FAIM: variants seen among roughly 807,000 people sequenced by gnomAD.
FAIM encodes the protein fas apoptotic inhibitory molecule 1.
FAIM carries 14 observed loss-of-function variants against 21.2 expected under a neutral mutation model. The observed-to-expected ratio is 0.66, with a 90% CI of 0.44 to 1.03. The LOEUF is 1.03. Among genes scored for constraint, FAIM ranks in the 50% least tolerant of loss-of-function variants. The probability of loss-of-function intolerance (pLI) is 0.00; values close to 1 mark genes in which losing one functional copy is unlikely to be tolerated. For missense variants in FAIM, 222 were observed against 247.1 expected, an observed-to-expected ratio of 0.90 and a Z score of 0.68; for synonymous variants, 86 against 80.4, an observed-to-expected ratio of 1.07 and a Z score of -0.37.
At chr3:138,609,719 T>C (rs2042747324) in intron 1 of FAIM, among the ~76,000 whole-genome samples, 1 of 151,740 alleles carries the variant, frequency 6.6e-6, no homozygotes, top group South Asian at 2.1e-4. Context: ...TGTGATTTAC[T>C]AAATGTAGTT....
Position 138,633,040 on chromosome 3 carries a change from C to T in FAIM, c.567C>T (p.Leu189=), listed in dbSNP as rs1560502529. The change falls in exon 6 of 6, where the codon CTC becomes CTT. Residue 189 remains leucine (L), a synonymous_variant. Coordinates refer to ENST00000360570, the MANE Select transcript of FAIM (RefSeq NM_001033031.2). ...GGAAAGAAGGGATTATTCATACTCT[C>T]ATTGTGGATAATAGAGAAATCCCAG... ...GKRKEGIIHT[L]IVDNREIPEI... 2 of 1,613,576 alleles carry T rather than the reference C, an allele frequency of 1.2e-6. No homozygotes were observed. The highest frequency in any genetic ancestry group is 1.7e-5 in the Admixed American group (1 of 59,960).
chr3:138,633,148 T>C lies in FAIM; in HGVS notation c.*69T>C. The C allele has an allele frequency of 1.5e-6, 2 of 1,364,772 alleles. No individual in the cohort carries two copies. The highest frequency in any genetic ancestry group is 2.0e-6 in the Non-Finnish European group (2 of 1,000,386). The allele number at this position is 1,364,772 out of a possible 1,614,324, so 84.5% of individuals were successfully genotyped here. A position where few individuals can be genotyped will look rare whatever the true frequency, so the allele number is the denominator to read the frequency against. On this transcript the variant is annotated 3_prime_UTR_variant, in exon 6 of 6. Coordinates refer to ENST00000360570, the MANE Select transcript of FAIM (RefSeq NM_001033031.2). ...CTGTGGTAATTAAATGTGTTCAGTATGTACTTATCAGTACATTTAGTCTGC... is the reference window on the plus strand; with the variant it reads ...CTGTGGTAATTAAATGTGTTCAGTACGTACTTATCAGTACATTTAGTCTGC...
chr3:138,631,464 A>T (rs917255476), intron 5 of FAIM, among the ~76,000 whole-genome samples: 2 of 151,954 alleles, frequency 1.3e-5, no homozygotes, highest in Non-Finnish European at 2.9e-5. Flanking sequence ...TGAAAATAAT[A>T]TTCATCCACA....
At chr3:138,618,893 T>G (rs2042855725) in intron 1 of FAIM, among the ~76,000 whole-genome samples, 1 of 152,196 alleles carries the variant, frequency 6.6e-6, no homozygotes. Flanking sequence ...AATCTTCAAA[T>G]GTGAGGGTTT....
At chr3:138,625,428 ACTC>A (rs1324500713) in intron 4 of FAIM, among the ~76,000 whole-genome samples, 3 of 151,706 alleles carry the variant, frequency 2.0e-5, no homozygotes, top group African/African-American at 7.3e-5. Flanking sequence ...GCGCCACTGC[ACTC>A]CAGCCTGGGT....
chr3:138,631,967 A>G (rs2043010124), intron 5 of FAIM, among the ~76,000 whole-genome samples: 1 of 151,958 alleles, frequency 6.6e-6, no homozygotes, highest in South Asian at 2.1e-4. Flanking sequence ...GCCTTGTTCT[A>G]TCTACTTTGG....
chr3:138,621,138 GA>G, intron 2 of FAIM: 1 of 387,958 alleles, frequency 2.6e-6, no homozygotes, highest in South Asian at 2.9e-5. Context: ...AGGATAAACT[GA>G]TGCATTCTTA....
At chr3:138,629,602 A>G (rs570564968) in intron 5 of FAIM, 2 of 154,746 alleles carry the variant, frequency 1.3e-5, no homozygotes, top group East Asian at 1.9e-4. Context: ...TGCTAATGCT[A>G]CTGGTCCACA....
chr3:138,621,442 T>C lies in FAIM; in HGVS notation c.80T>C (p.Val27Ala). 1 of 1,614,052 alleles carries C rather than the reference T, an allele frequency of 6.2e-7. No individual in the cohort carries two copies. Among genetic ancestry groups the C allele is most frequent in the Non-Finnish European group, 8.5e-7 (1 of 1,179,964 alleles). The change falls in exon 3 of 6, where the codon GTA becomes GCA. Residue 27 changes from valine (V) to alanine (A), a missense_variant. Physicochemically the swap from Val to Ala is moderately conservative, Grantham distance 64. Transcript: ENST00000360570. ...PYSLEKMTDL[V>A]AVWDVALSDG... ...AGCCTAGAAAAAATGACAGATCTCG[T>C]AGCTGTTTGGGATGTTGCTTTAAGT...
chr3:138,632,739 A>G (rs2043018891), intron 5 of FAIM, among the ~76,000 whole-genome samples, 191 bp from the exon 6 acceptor site: 1 of 152,252 alleles, frequency 6.6e-6, no homozygotes, highest in Non-Finnish European at 1.5e-5. Flanking sequence ...GGGGTTATGA[A>G]AAGGAAACTT....
intron 1 of FAIM, chr3:138,611,112 CAT>C (rs2042763651): frequency 8.9e-7 from 1 of 1,118,976 alleles, no homozygotes; most frequent in South Asian, 1.3e-5. Context: ...TAGAATATGA[CAT>C]GTGTTTATTA....
intron 1 of FAIM, among the ~76,000 whole-genome samples, chr3:138,618,636 C>A (rs1177408828): frequency 6.6e-6 from 1 of 152,170 alleles, no homozygotes; most frequent in East Asian, 1.9e-4. Flanking sequence ...CCACTGCACT[C>A]CAGCTTGGGG....
intron 1 of FAIM, among the ~76,000 whole-genome samples, chr3:138,611,755 C>G (rs2042771654): frequency 6.6e-6 from 1 of 152,168 alleles, no homozygotes; most frequent in Admixed American, 6.5e-5. Context: ...TTGTACCTCC[C>G]CGCTGTCTCT....
rs1236436605 is a variant in FAIM at position 138,633,001 on chromosome 3, C to T, written c.528C>T (p.Val176=). The change falls in exon 6 of 6, where the codon GTC becomes GTT. Residue 176 remains valine, a synonymous_variant. Transcript: ENST00000360570. The part of the protein sequence containing the change: ...IGNHDCYIKA[V]SSGKRKEGII... The stretch of plus-strand genomic sequence containing the variant: ...ACCATGACTGTTACATAAAGGCTGT[C>T]AGTAGTGGGAAGCGGAAAGAAGGGA... 3 of 1,613,570 alleles carry T rather than the reference C, an allele frequency of 1.9e-6. No homozygotes were observed. Among genetic ancestry groups the T allele is most frequent in the Non-Finnish European group, 2.5e-6 (3 of 1,179,832 alleles).
intron 1 of FAIM, among the ~76,000 whole-genome samples, chr3:138,611,646 A>G (rs147845448): frequency 1.0e-3 from 158 of 152,334 alleles, no homozygotes; most frequent in African/African-American, 3.7e-3. Context: ...TGTTTGGGTC[A>G]TGGGGGCTGA....
intron 5 of FAIM, 104 bp downstream of exon 5, chr3:138,629,260 C>A (rs2042976769): frequency 2.1e-6 from 2 of 962,106 alleles, no homozygotes; most frequent in African/African-American, 1.8e-5. Context: ...TCAAGGCCCT[C>A]TTGATAAAAA....
intron 5 of FAIM, among the ~76,000 whole-genome samples, chr3:138,632,014 A>AT (rs1294153958): frequency 1.3e-5 from 2 of 151,864 alleles, no homozygotes; most frequent in Non-Finnish European, 2.9e-5. Context: ...TTTAAGTCTG[A>AT]TTTTTGGTTT....
chr3:138,617,984 AC>A (rs1356285963), intron 1 of FAIM, among the ~76,000 whole-genome samples: 2 of 145,098 alleles, frequency 1.4e-5, no homozygotes, highest in Non-Finnish European at 3.0e-5. Context: ...ATATATAGAT[AC>A]CTGTTTTGAG....
intron 1 of FAIM, among the ~76,000 whole-genome samples, chr3:138,609,976 T>G (rs1039792777): frequency 2.0e-5 from 3 of 152,154 alleles, no homozygotes; most frequent in Non-Finnish European, 4.4e-5. Flanking sequence ...TTGGGAATAC[T>G]TGGCTCGAGG....
Sources: allele counts gnomAD v4.1 joint callset (sites outside exome capture counted in the v4.1 genomes callset), GRCh38; gene constraint gnomAD v4.1.1; transcripts MANE v1.5; gene names NCBI Gene and HGNC (gene_info 2026-07-23, HGNC 2026-07-21).